Variants in NRXN3 observed in about 807,000 individuals in gnomAD.
NRXN3 encodes the protein neurexin 3.
Under a neutral mutation model 137.6 loss-of-function variants are expected in NRXN3, and 32 were observed. The observed-to-expected ratio is 0.23, with a 90% CI of 0.18 to 0.31. The LOEUF (loss-of-function observed/expected upper bound fraction) is 0.31, where lower values mean the gene tolerates loss of function less well. Among genes scored for constraint, NRXN3 ranks in the 10% least tolerant of loss-of-function variants. The pLI, the probability that NRXN3 is intolerant of heterozygous loss-of-function variation, is 1.00. For missense variants in NRXN3, 1,574 were observed against 2,062.5 expected (o/e 0.76, Z 4.59); for synonymous variants, 798 against 784.5 (o/e 1.02, Z -0.29).
chr14:79,386,383 C>A, intron 15 of NRXN3, among the ~76,000 whole-genome samples: 1 of 152,018 alleles, frequency 6.6e-6, no homozygotes, highest in South Asian at 2.1e-4. Context: ...ACCTAGGAAT[C>A]CAACTTACAA....
In NRXN3 at chr14:79,716,446, T is replaced by G. The variant is rs117220803; in HGVS notation, c.4014+18509T>G. ...AAACCTTTTAGCATGTACATTTGTC[T>G]AGGTTTCTGGACTTTACAGCCTTCT... On this transcript the variant is annotated intron_variant, in intron 19 of 20. Coordinates refer to ENST00000335750, the MANE Select transcript of NRXN3 (RefSeq NM_001330195.2). Among the ~76,000 whole-genome samples, 3 of 152,340 alleles carry G rather than the reference T, an allele frequency of 2.0e-5. No individual in the cohort carries two copies. The East Asian group carries it at 5.8e-4, about 29-fold the overall frequency.
intron 4 of NRXN3, among the ~76,000 whole-genome samples, chr14:78,391,470 A>G (rs532984171): frequency 6.6e-6 from 1 of 152,084 alleles, no homozygotes; most frequent in Non-Finnish European, 1.5e-5. Flanking sequence ...AGGATAGACC[A>G]TTTCCCACAG....
intron 17 of NRXN3, among the ~76,000 whole-genome samples, chr14:79,681,349 T>C (rs893152717): frequency 6.6e-5 from 10 of 152,190 alleles, no homozygotes; most frequent in African/African-American, 2.4e-4. Flanking sequence ...ATCATTTAGG[T>C]TCGCTGCATT....
At chr14:78,701,935 C>T (rs558174634) in intron 6 of NRXN3, among the ~76,000 whole-genome samples, 15 of 152,164 alleles carry the variant, frequency 9.9e-5, no homozygotes, top group Admixed American at 3.3e-4. Context: ...GGCATCCATG[C>T]GATGCAGCAG....
intron 20 of NRXN3, among the ~76,000 whole-genome samples, chr14:79,813,483 C>A (rs916498838): frequency 2.0e-5 from 3 of 152,000 alleles, no homozygotes; most frequent in African/African-American, 7.2e-5. Context: ...ATTTTTAACT[C>A]ATTGCTATAC....
At chr14:79,558,854 A>G (rs2097458917) in intron 16 of NRXN3, among the ~76,000 whole-genome samples, 1 of 152,158 alleles carries the variant, frequency 6.6e-6, no homozygotes, top group Non-Finnish European at 1.5e-5. Flanking sequence ...ATCTTTATCA[A>G]TGATCTTAGC....
intron 16 of NRXN3, among the ~76,000 whole-genome samples, chr14:79,537,993 A>C (rs976926816): frequency 6.6e-6 from 1 of 152,162 alleles, no homozygotes; most frequent in African/African-American, 2.4e-5. Flanking sequence ...TCTAACTGGT[A>C]TGAGATGGTG....
chr14:78,897,187 A>G (rs549062297), intron 10 of NRXN3, among the ~76,000 whole-genome samples: 2 of 151,876 alleles, frequency 1.3e-5, no homozygotes, highest in African/African-American at 4.8e-5. Context: ...AGTGTTTCAT[A>G]AAGTGTTTGT....
intron 10 of NRXN3, among the ~76,000 whole-genome samples, chr14:78,928,548 G>T (rs896390509): frequency 6.6e-6 from 1 of 152,092 alleles, no homozygotes; most frequent in African/African-American, 2.4e-5. Context: ...AGAACATGCG[G>T]TGTTTGGTTT....
At chr14:78,773,277 G>C (rs1295355831) in intron 8 of NRXN3, among the ~76,000 whole-genome samples, 1 of 152,112 alleles carries the variant, frequency 6.6e-6, no homozygotes, top group African/African-American at 2.4e-5. Flanking sequence ...TAGCTCCTGG[G>C]ACTATGGGTG....
intron 16 of NRXN3, among the ~76,000 whole-genome samples, chr14:79,514,766 A>G (rs2096966170): frequency 6.6e-6 from 1 of 152,150 alleles, no homozygotes; most frequent in African/African-American, 2.4e-5. Context: ...TAGAAGCTTC[A>G]GGCAATGTGA....
intron 1 of NRXN3, among the ~76,000 whole-genome samples, chr14:78,233,318 T>C (rs2065712692): frequency 6.6e-6 from 1 of 152,188 alleles, no homozygotes. Context: ...TGACTTCCAA[T>C]CTAGTGGTCT....
chr14:79,132,870 G>A (rs953528762), intron 15 of NRXN3, among the ~76,000 whole-genome samples: 3 of 152,310 alleles, frequency 2.0e-5, no homozygotes, highest in South Asian at 4.1e-4. Flanking sequence ...CTAACCCCAC[G>A]AGGAGCTCTG....
intron 15 of NRXN3, among the ~76,000 whole-genome samples, chr14:79,121,011 T>G (rs1332917359): frequency 6.6e-6 from 1 of 152,156 alleles, no homozygotes; most frequent in Admixed American, 6.5e-5. Flanking sequence ...TGAGTTCTAT[T>G]CATGACCACT....
At chr14:79,227,506 C>G (rs748432430) in intron 15 of NRXN3, among the ~76,000 whole-genome samples, 1 of 152,188 alleles carries the variant, frequency 6.6e-6, no homozygotes, top group East Asian at 1.9e-4. Flanking sequence ...TGGAAAGAGT[C>G]TGATTAAAGA....
At chr14:79,537,788 A>G (rs1347008960) in intron 16 of NRXN3, among the ~76,000 whole-genome samples, 12 of 152,150 alleles carry the variant, frequency 7.9e-5, no homozygotes, top group Admixed American at 7.9e-4. Context: ...ATGATTTATA[A>G]TCCTTTGGGT....
intron 15 of NRXN3, among the ~76,000 whole-genome samples, chr14:79,302,280 G>A (rs527295227): frequency 7.9e-5 from 12 of 152,088 alleles, no homozygotes; most frequent in African/African-American, 2.9e-4. Flanking sequence ...TTGCTATAAA[G>A]GAATACCGGA....
At chr14:79,659,115 G>A (rs1376623938) in intron 16 of NRXN3, among the ~76,000 whole-genome samples, 1 of 152,132 alleles carries the variant, frequency 6.6e-6, no homozygotes, top group Non-Finnish European at 1.5e-5. Flanking sequence ...GGGGAGCCAG[G>A]TGGGCTTATA....
chr14:78,988,186 G>C (rs1326654874), intron 15 of NRXN3, 45 bp downstream of exon 15: 1 of 1,609,248 alleles, frequency 6.2e-7, no homozygotes, highest in Admixed American at 1.7e-5. Context: ...GAAGATGTTT[G>C]GAGATTTGGA....
Sources: gnomAD v4.1 joint callset for allele counts (sites outside exome capture counted in the v4.1 genomes callset) on GRCh38, gnomAD v4.1.1 for gene constraint, MANE v1.5 for transcripts, NCBI Gene and HGNC (gene_info 2026-07-23, HGNC 2026-07-21) for gene names.